The following AFAP1L2 variants were observed in gnomAD, a reference collection of about 807,000 sequenced individuals.
AFAP1L2 encodes actin filament-associated protein 1-like 2.
Under a neutral mutation model 99.3 loss-of-function variants are expected in AFAP1L2, and 46 were observed. The ratio of observed to expected loss-of-function variants is 0.46; its 90% CI spans 0.37 to 0.59. AFAP1L2 has a LOEUF of 0.59. Among genes scored for constraint, AFAP1L2 ranks in the 20% least tolerant of loss-of-function variants. AFAP1L2 has a pLI of 0.00. For synonymous variants in AFAP1L2, 397 were observed against 419.1 expected, an observed-to-expected ratio of 0.95 and a Z score of 0.64; for missense variants, 959 against 1,034.9, an observed-to-expected ratio of 0.93 and a Z score of 1.01.
At chr10:114,281,250 C>T in the AFAP1L2 span, 3 of 152,246 alleles carry the variant, frequency 2.0e-5, no homozygotes, top group Non-Finnish European at 4.4e-5. Context: ...GAGGCCATCC[C>T]AGGAGCTGCT....
Position 114,342,484 on chromosome 10 carries a change from T to C in AFAP1L2, c.17-1753A>G, listed in dbSNP as rs557572414. 2.3e-4 allele frequency among the ~76,000 whole-genome samples: 35 copies of C among 152,346 alleles called. No individual in the cohort carries two copies. In the South Asian group the frequency reaches 7.0e-3, roughly 31 times the overall value. On this transcript the variant is annotated intron_variant, in intron 1 of 18. Coordinates refer to ENST00000304129, the MANE Select transcript of AFAP1L2 (RefSeq NM_001001936.3). ...AAATCTGTGAATATGCTACTTGACGTGGCAAAGGGACTTCACAGATGTGAT... is the reference window on the plus strand; with the variant it reads ...AAATCTGTGAATATGCTACTTGACGCGGCAAAGGGACTTCACAGATGTGAT...
chr10:114,281,612 T>C, the AFAP1L2 span: 1 of 404,660 alleles, frequency 2.5e-6, no homozygotes, highest in Non-Finnish European at 3.3e-6. Context: ...GAGAAGTCAT[T>C]GAGTCCAGTG....
downstream of AFAP1L2, chr10:114,290,472 GA>G: frequency 6.9e-7 from 1 of 1,458,092 alleles, no homozygotes; most frequent in Admixed American, 2.1e-5. Context: ...TCGTTCAGTG[GA>G]AGAAATTATT....
At chr10:114,404,751 T>C, upstream of AFAP1L2, 1 of 320,878 alleles carries the variant, frequency 3.1e-6, no homozygotes, top group Non-Finnish European at 5.6e-6. Flanking sequence ...CCGGCCGCCT[T>C]GGCACTCCCT....
chr10:114,311,332 G>T (rs1365719894), intron 7 of AFAP1L2, among the ~76,000 whole-genome samples: 1 of 152,196 alleles, frequency 6.6e-6, no homozygotes, highest in Non-Finnish European at 1.5e-5. Context: ...CCACCTGGAA[G>T]CCCTTTGGAA....
chr10:114,306,919 C>T (rs1460455656), intron 10 of AFAP1L2, among the ~76,000 whole-genome samples: 1 of 152,138 alleles, frequency 6.6e-6, no homozygotes, highest in Non-Finnish European at 1.5e-5. Context: ...AATGCAAAGA[C>T]ACACCTCCTA....
rs550952840 is a variant in AFAP1L2, at chr10:114,318,982, C to T, written c.407-3217G>A. ...CAGTCTGGCCAATATGACAAAACCC[C>T]GTTTCTACTAAAGATACAAAAATTA... On this transcript the variant is annotated intron_variant, in intron 5 of 18. Coordinates refer to ENST00000304129, the MANE Select transcript of AFAP1L2 (RefSeq NM_001001936.3). Among the ~76,000 whole-genome samples the T allele has an allele frequency of 3.0e-4, 46 of 151,634 alleles. No homozygotes were observed. In the South Asian group the frequency reaches 8.0e-3, roughly 26 times the overall value.
chr10:114,327,164 TA>T lies in AFAP1L2; in HGVS notation c.316-3904del, dbSNP rs1564880251. The stretch of plus-strand genomic sequence containing the variant: ...ATATATATTTATATATATATATATA[TA>T]TATATATATTTTTTTTTTAGGCAGA... On this transcript the variant is annotated intron_variant, in intron 4 of 18. Coordinates refer to ENST00000304129, the MANE Select transcript of AFAP1L2 (RefSeq NM_001001936.3). 2.4e-5 allele frequency among the ~76,000 whole-genome samples: 2 copies of T among 81,822 alleles called. 1 individual carries two copies. Among genetic ancestry groups the T allele is most frequent in the African/African-American group, 6.4e-5 (2 of 31,492 alleles). The allele number at this position is 81,822 out of a possible 152,430, so 53.7% of individuals were successfully genotyped here.
intron 1 of AFAP1L2, among the ~76,000 whole-genome samples, chr10:114,347,901 C>A (rs1162581823): frequency 6.6e-6 from 1 of 152,158 alleles, no homozygotes; most frequent in Non-Finnish European, 1.5e-5. Flanking sequence ...ATGTGTGCAA[C>A]CATTACCACT....
downstream of AFAP1L2, among the ~76,000 whole-genome samples, chr10:114,291,678 C>T (rs1319989822): frequency 6.6e-6 from 1 of 152,236 alleles, no homozygotes; most frequent in Non-Finnish European, 1.5e-5. Flanking sequence ...TTTACTAGAG[C>T]ATCCTTTGGA....
At chr10:114,282,406 C>A in the AFAP1L2 span, 1 of 863,702 alleles carries the variant, frequency 1.2e-6, no homozygotes, top group Non-Finnish European at 1.9e-6. Flanking sequence ...GTCTTTCTTA[C>A]TTCTGCATTG....
At chr10:114,388,502 CAT>C (rs1435084467) in intron 1 of AFAP1L2, among the ~76,000 whole-genome samples, 9 of 152,278 alleles carry the variant, frequency 5.9e-5, no homozygotes, top group African/African-American at 2.2e-4. Flanking sequence ...CACGTTGACT[CAT>C]TACTCTCTGA....
chr10:114,362,976 A>C lies in AFAP1L2; in HGVS notation c.17-22245T>G, dbSNP rs913281979. The C allele has an allele frequency of 5.1e-6, 5 of 985,286 alleles. No homozygotes were observed. In the Admixed American group the frequency reaches 1.8e-4, roughly 36 times the overall value. The allele number at this position is 985,286 out of a possible 1,614,324, so 61.0% of individuals were successfully genotyped here. A position where few individuals can be genotyped will look rare whatever the true frequency, so the allele number is the denominator to read the frequency against. On this transcript the variant is annotated intron_variant, in intron 1 of 18. Coordinates refer to ENST00000304129, the MANE Select transcript of AFAP1L2 (RefSeq NM_001001936.3). ...AAGCTGACGCACAGTGGGCCGGGGA[A>C]TTCCCTGGTGGCAGCCCGACAGGTG... is the stretch of plus-strand genomic sequence containing the variant.
At chr10:114,281,767 C>T in the AFAP1L2 span, 39 of 985,060 alleles carry the variant, frequency 4.0e-5, no homozygotes, top group Non-Finnish European at 4.6e-5. Context: ...CTCTCCCCAT[C>T]GAAGCTTTAA....
At chr10:114,357,487 T>C (rs10736234) in intron 1 of AFAP1L2, among the ~76,000 whole-genome samples, 149,053 of 152,222 alleles carry the variant, frequency 0.98, 73,058 homozygotes, top group East Asian at 1. Context: ...CACAGTACCC[T>C]TGTCTACCCA....
intron 1 of AFAP1L2, chr10:114,398,956 G>A (rs761469612): frequency 5.4e-5 from 70 of 1,285,454 alleles, no homozygotes; most frequent in Non-Finnish European, 7.2e-5. Context: ...GGTGGCCACT[G>A]TGGGCTTTCA....
At chr10:114,363,388 C>A (rs1431078766) in intron 1 of AFAP1L2, among the ~76,000 whole-genome samples, 2 of 152,146 alleles carry the variant, frequency 1.3e-5, no homozygotes, top group Non-Finnish European at 2.9e-5. Context: ...GGGCCCTCAC[C>A]AGCCCCAAGC....
intron 1 of AFAP1L2, among the ~76,000 whole-genome samples, chr10:114,381,293 G>A (rs1280281260): frequency 6.6e-6 from 1 of 152,158 alleles, no homozygotes; most frequent in Non-Finnish European, 1.5e-5. Context: ...AGTCTACATA[G>A]CATATGATTC....
At chr10:114,383,349 A>C in intron 1 of AFAP1L2, among the ~76,000 whole-genome samples, 1 of 152,036 alleles carries the variant, frequency 6.6e-6, no homozygotes, top group East Asian at 1.9e-4. Flanking sequence ...AAGGGAAGGA[A>C]AGATGGAAGG....
Sources: allele counts gnomAD v4.1 joint callset (sites outside exome capture counted in the v4.1 genomes callset), GRCh38; gene constraint gnomAD v4.1.1; transcripts MANE v1.5; gene names NCBI Gene and HGNC (gene_info 2026-07-23, HGNC 2026-07-21).